The following ANKS1B variants were observed in gnomAD, a reference collection of about 807,000 sequenced individuals.
ANKS1B encodes ankyrin repeat and sterile alpha motif domain containing 1B, also known as ankyrin repeat and sterile alpha motif domain-containing protein 1B.
Under a neutral mutation model 148.3 loss-of-function variants are expected in ANKS1B, and 36 were observed. That is an observed-to-expected ratio of 0.24 (90% CI 0.19 to 0.32). The LOEUF (loss-of-function observed/expected upper bound fraction) is 0.32, where lower values mean the gene tolerates loss of function less well. ANKS1B is among the 10% of genes least tolerant of loss of function. ANKS1B has a pLI of 1.00. For synonymous variants in ANKS1B, 542 were observed against 560.8 expected, an observed-to-expected ratio of 0.97 and a Z score of 0.47; for missense variants, 1,157 against 1,542.6, an observed-to-expected ratio of 0.75 and a Z score of 4.19.
intron 14 of ANKS1B, among the ~76,000 whole-genome samples, chr12:99,170,508 C>G (rs1202588257): frequency 6.6e-6 from 1 of 152,192 alleles, no homozygotes; most frequent in Non-Finnish European, 1.5e-5. Context: ...GAAAAAAGCA[C>G]TGTAACTTAG....
chr12:99,185,557 T>C (rs1055762898), intron 14 of ANKS1B, among the ~76,000 whole-genome samples: 4 of 152,078 alleles, frequency 2.6e-5, no homozygotes, highest in African/African-American at 4.8e-5. Flanking sequence ...GTTTGTCTCA[T>C]TGGGACGGTT....
chr12:99,604,388 A>G (rs553910182), intron 9 of ANKS1B, among the ~76,000 whole-genome samples: 22 of 152,232 alleles, frequency 1.4e-4, no homozygotes, highest in African/African-American at 5.3e-4. Flanking sequence ...CAACTGGAAA[A>G]TCTCAAAGTT....
chr12:99,958,804 C>T (rs776410042), intron 1 of ANKS1B, among the ~76,000 whole-genome samples: 5 of 152,130 alleles, frequency 3.3e-5, no homozygotes, highest in African/African-American at 7.2e-5. Context: ...TAAGGAAAAA[C>T]GTCAGGCATG....
At chr12:99,104,979 C>G (rs1473748161) in intron 15 of ANKS1B, 1 of 152,212 alleles carries the variant, frequency 6.6e-6, no homozygotes, top group Non-Finnish European at 1.5e-5. Flanking sequence ...ACCTGGCATA[C>G]AGTAGACATT....
chr12:98,978,229 G>GT (rs1169608220), intron 17 of ANKS1B, among the ~76,000 whole-genome samples: 5 of 151,510 alleles, frequency 3.3e-5, no homozygotes, highest in Admixed American at 3.3e-4. Flanking sequence ...ATTTATTCTT[G>GT]TTTTTTTCCC....
chr12:99,899,345 C>T (rs952117092), intron 1 of ANKS1B, among the ~76,000 whole-genome samples: 1 of 152,182 alleles, frequency 6.6e-6, no homozygotes, highest in African/African-American at 2.4e-5. Flanking sequence ...CTCGATTCTT[C>T]TGACTCTGAT....
chr12:99,257,658 T>C (rs1467876711), intron 12 of ANKS1B, among the ~76,000 whole-genome samples: 1 of 152,178 alleles, frequency 6.6e-6, no homozygotes, highest in Non-Finnish European at 1.5e-5. Flanking sequence ...GCTAAATATG[T>C]CTGTGTTATT....
intron 1 of ANKS1B, among the ~76,000 whole-genome samples, chr12:99,928,080 T>C (rs879262550): frequency 1.3e-5 from 2 of 152,022 alleles, no homozygotes; most frequent in Non-Finnish European, 2.9e-5. Context: ...CACTTAATTA[T>C]GAAGTAGTTA....
intron 12 of ANKS1B, among the ~76,000 whole-genome samples, chr12:99,389,158 C>T (rs1468145670): frequency 1.3e-5 from 2 of 152,168 alleles, no homozygotes; most frequent in Non-Finnish European, 2.9e-5. Flanking sequence ...AAGGAACAAT[C>T]AGTCTATCCA....
intron 12 of ANKS1B, among the ~76,000 whole-genome samples, chr12:99,276,731 C>T (rs572883937): frequency 1.6e-4 from 25 of 152,202 alleles, no homozygotes; most frequent in South Asian, 4.1e-4. Context: ...CTTCTTCTGA[C>T]GATGGAATCA....
chr12:99,864,407 C>T (rs181384094), intron 1 of ANKS1B, among the ~76,000 whole-genome samples: 1 of 152,314 alleles, frequency 6.6e-6, no homozygotes, highest in East Asian at 1.9e-4. Flanking sequence ...TGATCTCACA[C>T]AATCTCCTTC....
chr12:99,311,711 T>C (rs1006689524), intron 12 of ANKS1B, among the ~76,000 whole-genome samples: 1 of 152,124 alleles, frequency 6.6e-6, no homozygotes, highest in Non-Finnish European at 1.5e-5. Flanking sequence ...AAACTTTTGA[T>C]TATGTTTTAT....
At chr12:99,892,170 A>AT (rs1338719330) in intron 1 of ANKS1B, among the ~76,000 whole-genome samples, 1 of 151,878 alleles carries the variant, frequency 6.6e-6, no homozygotes, top group Non-Finnish European at 1.5e-5. Flanking sequence ...TGCCCGGCTA[A>AT]TTTTTTGTAT....
At position 99,816,015 on chromosome 12, in the gene ANKS1B, G is replaced by A. The variant is rs957663077; in HGVS notation, c.216-3704C>T. Among the ~76,000 whole-genome samples, 6 of 151,818 alleles carry A rather than the reference G, an allele frequency of 4.0e-5. No homozygotes were observed. In the South Asian group the frequency reaches 1.2e-3, roughly 31 times the overall value. On this transcript the variant is annotated intron_variant, in intron 2 of 26. Coordinates refer to ENST00000683438, the MANE Select transcript of ANKS1B (RefSeq NM_001352186.2). The stretch of plus-strand genomic sequence containing the variant: ...GTAGATACCCAGTAGTGGGACTGAC[G>A]GATCTAATGATAGATCTGCTTTTAG...
intron 12 of ANKS1B, among the ~76,000 whole-genome samples, chr12:99,295,754 C>T (rs1197469724): frequency 1.3e-5 from 2 of 152,244 alleles, no homozygotes; most frequent in East Asian, 1.9e-4. Context: ...TCCTCTTCCT[C>T]CTCCCACCCT....
At chr12:99,086,019 T>C (rs1421886030) in intron 15 of ANKS1B, among the ~76,000 whole-genome samples, 1 of 151,984 alleles carries the variant, frequency 6.6e-6, no homozygotes, top group African/African-American at 2.4e-5. Flanking sequence ...AAATAAAAGT[T>C]AAAAAAATTA....
At chr12:99,303,536 TA>T (rs1036684361) in intron 12 of ANKS1B, among the ~76,000 whole-genome samples, 2 of 151,872 alleles carry the variant, frequency 1.3e-5, no homozygotes, top group African/African-American at 4.8e-5. Flanking sequence ...TAGACAAATT[TA>T]AAAAAAATCA....
intron 17 of ANKS1B, among the ~76,000 whole-genome samples, chr12:98,872,878 A>C (rs1210504106): frequency 6.6e-6 from 1 of 152,200 alleles, no homozygotes; most frequent in Non-Finnish European, 1.5e-5. Flanking sequence ...TGCACTTAAC[A>C]AACTTAACAC....
intron 11 of ANKS1B, among the ~76,000 whole-genome samples, chr12:99,422,218 C>G (rs1441622489): frequency 6.6e-6 from 1 of 152,150 alleles, no homozygotes; most frequent in Non-Finnish European, 1.5e-5. Context: ...ACAGATAAGA[C>G]AGCACAAAAT....
Sources: gnomAD v4.1 joint callset for allele counts (sites outside exome capture counted in the v4.1 genomes callset) on GRCh38, gnomAD v4.1.1 for gene constraint, MANE v1.5 for transcripts, NCBI Gene and HGNC (gene_info 2026-07-23, HGNC 2026-07-21) for gene names.